Variants in KIF21A observed in about 807,000 individuals in gnomAD.
KIF21A encodes kinesin-like protein KIF21A.
Under a neutral mutation model 202.9 loss-of-function variants are expected in KIF21A, and 114 were observed. The ratio of observed to expected loss-of-function variants is 0.56; its 90% confidence interval spans 0.48 to 0.66. The LOEUF (loss-of-function observed/expected upper bound fraction) is 0.66. KIF21A is among the 30% of genes least tolerant of loss of function. The probability of loss-of-function intolerance (pLI) is 0.00; values close to 1 mark genes in which losing one functional copy is unlikely to be tolerated. For synonymous variants in KIF21A, 667 were observed against 670.8 expected (o/e 0.99, Z 0.09); for missense variants, 1,677 against 1,994.9 (o/e 0.84, Z 3.04).
At chr12:39,305,140 CG>C (rs1943330150) in intron 34 of KIF21A, among the ~76,000 whole-genome samples, 1 of 151,476 alleles carries the variant, frequency 6.6e-6, no homozygotes, top group South Asian at 2.1e-4. Flanking sequence ...CCGAGGTGGA[CG>C]TATCACCTGA....
chr12:39,336,721 G>T (rs1285360527), intron 17 of KIF21A, among the ~76,000 whole-genome samples: 3 of 152,000 alleles, frequency 2.0e-5, no homozygotes, highest in Non-Finnish European at 4.4e-5. Context: ...TTAACTCTAG[G>T]ATTATTTATA....
At chr12:39,441,826 A>G (rs1239725570) in intron 1 of KIF21A, among the ~76,000 whole-genome samples, 3 of 152,124 alleles carry the variant, frequency 2.0e-5, no homozygotes, top group Non-Finnish European at 4.4e-5. Flanking sequence ...AATTTTCTGG[A>G]AAGACTACAA....
At position 39,442,216 on chromosome 12, in the gene KIF21A, C is replaced by CA. The variant is rs369533741; in HGVS notation, c.44+710dup. On this transcript the variant is annotated intron_variant, in intron 1 of 37. Transcript: ENST00000361418. This position sits in a 1 kb window ranked among gnomAD's most constrained non-coding sequence, Gnocchi z 5.0. ...CTAATGTCAGTATGTTTCACACAGT[C>CA]ACCCATTTCACCCTTCCTCTGGCTA... is the stretch of plus-strand genomic sequence containing the variant. Among the ~76,000 whole-genome samples the CA allele has an allele frequency of 9.4e-4, 143 of 152,280 alleles. No individual in the cohort carries two copies. The highest frequency in any genetic ancestry group is 3.3e-3 in the African/African-American group (136 of 41,554).
intron 29 of KIF21A, 88 bp downstream of exon 29, chr12:39,317,985 C>A: frequency 7.5e-7 from 1 of 1,332,432 alleles, no homozygotes; most frequent in South Asian, 1.2e-5. Flanking sequence ...ATCTCCTACA[C>A]AGAGATGACT....
At chr12:39,301,111 CAG>C (rs1942916394) in intron 37 of KIF21A, among the ~76,000 whole-genome samples, 2 of 152,132 alleles carry the variant, frequency 1.3e-5, no homozygotes, top group South Asian at 4.1e-4. Flanking sequence ...GGAGGAAGCA[CAG>C]AGAGTTTTTA....
chr12:39,436,421 A>ATT (rs1453741232), intron 1 of KIF21A, among the ~76,000 whole-genome samples: 1,763 of 86,244 alleles, frequency 0.02, 27 homozygotes, highest in East Asian at 0.031. Context: ...GGTTTACTAT[A>ATT]TTATATATAT....
chr12:39,363,246 A>T (rs1949366096), intron 6 of KIF21A, 33 bp from the exon 7 acceptor site: 1 of 1,259,594 alleles, frequency 7.9e-7, no homozygotes, highest in South Asian at 1.2e-5. Context: ...CAGCAAAATG[A>T]TACAAATTTA....
intron 21 of KIF21A, 74 bp downstream of exon 21, chr12:39,332,140 G>A (rs1296951511): frequency 7.2e-7 from 1 of 1,384,862 alleles, no homozygotes; most frequent in Non-Finnish European, 1.0e-6. Context: ...TGTAAAAACT[G>A]AAAGTGCTTT....
At chr12:39,380,542 A>G (rs900677000) in intron 1 of KIF21A, among the ~76,000 whole-genome samples, 2 of 152,164 alleles carry the variant, frequency 1.3e-5, no homozygotes, top group African/African-American at 4.8e-5. Context: ...GGTTTAATTA[A>G]CACTTCAGTT....
chr12:39,321,017 C>T (rs1340667168), intron 27 of KIF21A, among the ~76,000 whole-genome samples: 1 of 145,272 alleles, frequency 6.9e-6, no homozygotes, highest in African/African-American at 2.6e-5. Context: ...AATGGGTTTG[C>T]ATGATTCCTA....
At chr12:39,401,730 C>T (rs75635214) in intron 1 of KIF21A, among the ~76,000 whole-genome samples, 455 of 152,274 alleles carry the variant, frequency 3.0e-3, no homozygotes, top group African/African-American at 0.011. Context: ...GTTGTCACCA[C>T]TTAAATTCTT....
intron 1 of KIF21A, among the ~76,000 whole-genome samples, chr12:39,431,991 C>A (rs1485618921): frequency 6.6e-6 from 1 of 152,288 alleles, no homozygotes; most frequent in Middle Eastern, 3.4e-3. Flanking sequence ...ATGAAATCTG[C>A]AATCTCATGT....
intron 1 of KIF21A, among the ~76,000 whole-genome samples, chr12:39,416,902 T>G (rs1446314156): frequency 2.0e-5 from 3 of 148,756 alleles, no homozygotes; most frequent in African/African-American, 7.4e-5. Flanking sequence ...TGTATATATA[T>G]ATGTACACAC....
chr12:39,329,972 T>C (rs1017647982), intron 24 of KIF21A: 30 of 375,542 alleles, frequency 8.0e-5, no homozygotes, highest in African/African-American at 5.8e-4. Flanking sequence ...ACAGGGGGTT[T>C]ATGAAACTGG....
At chr12:39,355,973 T>C (rs889579458) in intron 10 of KIF21A, among the ~76,000 whole-genome samples, 5 of 151,728 alleles carry the variant, frequency 3.3e-5, no homozygotes, top group African/African-American at 1.2e-4. Flanking sequence ...CAAGACAGGG[T>C]AACTGTGAAA....
chr12:39,433,084 T>C (rs1321313392), intron 1 of KIF21A, among the ~76,000 whole-genome samples: 1 of 152,242 alleles, frequency 6.6e-6, no homozygotes, highest in Non-Finnish European at 1.5e-5. Flanking sequence ...TTATGATTGA[T>C]TGTTTTTCTT....
intron 34 of KIF21A, among the ~76,000 whole-genome samples, chr12:39,306,996 A>G (rs1160492389): frequency 6.6e-6 from 1 of 152,210 alleles, no homozygotes; most frequent in Non-Finnish European, 1.5e-5. Context: ...ACTAAAGGAA[A>G]AGAGTTCACA....
chr12:39,399,710 A>AT (rs1566164217), intron 1 of KIF21A, among the ~76,000 whole-genome samples: 1 of 152,156 alleles, frequency 6.6e-6, no homozygotes, highest in Non-Finnish European at 1.5e-5. Flanking sequence ...GAGGCCAGGC[A>AT]TACTTGCCCC....
intron 1 of KIF21A, among the ~76,000 whole-genome samples, chr12:39,426,402 G>C (rs191223544): frequency 4.2e-4 from 64 of 152,260 alleles, no homozygotes; most frequent in African/African-American, 1.5e-3. Flanking sequence ...TTTAACATAT[G>C]TGATGAAAAT....
Sources: allele counts gnomAD v4.1 joint callset (sites outside exome capture counted in the v4.1 genomes callset), GRCh38; gene constraint gnomAD v4.1.1; non-coding constraint Gnocchi (gnomAD v3.1); transcripts MANE v1.5; gene names NCBI Gene and HGNC (gene_info 2026-07-23, HGNC 2026-07-21).